Variants in AKT3 observed in about 807,000 individuals in gnomAD.
AKT3 encodes RAC-gamma serine/threonine-protein kinase.
Under a neutral mutation model 65.3 loss-of-function variants are expected in AKT3, and 15 were observed. The observed-to-expected ratio is 0.23, with a 90% CI of 0.15 to 0.35. The LOEUF is 0.35. Among genes scored for constraint, AKT3 ranks in the 10% least tolerant of loss-of-function variants. The pLI, the probability that AKT3 is intolerant of heterozygous loss-of-function variation, is 1.00. For missense variants in AKT3, 243 were observed against 576.5 expected, an observed-to-expected ratio of 0.42 and a Z score of 5.92; for synonymous variants, 206 against 183.8, an observed-to-expected ratio of 1.12 and a Z score of -0.98.
At position 243,636,190 on chromosome 1, in the gene AKT3, G is replaced by C. The variant is rs145581066; in HGVS notation, c.561+1421C>G. Among the ~76,000 whole-genome samples the C allele has an allele frequency of 2.0e-3, 300 of 152,080 alleles. 2 individuals are homozygous for C. The highest frequency in any genetic ancestry group is 0.012 in the East Asian group (64 of 5,176). On this transcript the variant is annotated intron_variant, in intron 6 of 13. Coordinates refer to ENST00000673466, the MANE Select transcript of AKT3 (RefSeq NM_005465.7). ...AGGTAGTAATAATACACAGTAGGTAGTAATAATAGTAATAATAATTATAGC... is the reference window on the plus strand; with the variant it reads ...AGGTAGTAATAATACACAGTAGGTACTAATAATAGTAATAATAATTATAGC...
chr1:243,606,822 C>T (rs1441195525), intron 8 of AKT3, among the ~76,000 whole-genome samples: 2 of 152,224 alleles, frequency 1.3e-5, no homozygotes, highest in African/African-American at 4.8e-5. Flanking sequence ...GGCCCAAAAG[C>T]AGGGCCCCCC....
intron 3 of AKT3, chr1:243,687,731 G>A (rs1197070590): frequency 6.6e-6 from 1 of 152,000 alleles, no homozygotes; most frequent in Non-Finnish European, 1.5e-5. Context: ...GGAGCCTGAA[G>A]AAGGAAATAT....
intron 6 of AKT3, among the ~76,000 whole-genome samples, chr1:243,624,208 A>G (rs758125496): frequency 3.3e-5 from 5 of 152,212 alleles, no homozygotes; most frequent in Non-Finnish European, 7.3e-5. Flanking sequence ...ACAGTCACCA[A>G]TGGCATGAGA....
intron 2 of AKT3, among the ~76,000 whole-genome samples, chr1:243,767,533 T>C (rs553027020): frequency 2.6e-4 from 39 of 152,142 alleles, no homozygotes; most frequent in Admixed American, 1.6e-3. Flanking sequence ...CTATATAGAG[T>C]ATTTCCACTA....
chr1:243,738,727 A>G (rs932151777), intron 2 of AKT3, among the ~76,000 whole-genome samples: 1 of 152,244 alleles, frequency 6.6e-6, no homozygotes, highest in Non-Finnish European at 1.5e-5. Flanking sequence ...TTTAGTGTTC[A>G]GTTACAATCT....
At chr1:243,546,191 T>C (rs982563659) in intron 11 of AKT3, among the ~76,000 whole-genome samples, 8 of 152,224 alleles carry the variant, frequency 5.3e-5, no homozygotes, top group Admixed American at 3.3e-4. Flanking sequence ...GATGTGCCTC[T>C]GCTCCTCCTT....
At chr1:243,510,479 G>C (rs1379388552) in intron 13 of AKT3, among the ~76,000 whole-genome samples, 2 of 152,224 alleles carry the variant, frequency 1.3e-5, no homozygotes, top group Admixed American at 6.5e-5. Context: ...TTGTCAGACT[G>C]ATGCTCTTCA....
At chr1:243,581,169 A>C (rs1483893470) in intron 8 of AKT3, among the ~76,000 whole-genome samples, 1 of 152,158 alleles carries the variant, frequency 6.6e-6, no homozygotes, top group Non-Finnish European at 1.5e-5. Flanking sequence ...CTCCCTCGGC[A>C]CTAGTGCCTG....
At chr1:243,819,724 C>T (rs1288693695) in intron 2 of AKT3, among the ~76,000 whole-genome samples, 1 of 152,140 alleles carries the variant, frequency 6.6e-6, no homozygotes, top group Non-Finnish European at 1.5e-5. Flanking sequence ...CGCCAGACAC[C>T]TTATATAGGA....
intron 9 of AKT3, 112 bp from the exon 10 acceptor site, chr1:243,563,960 T>G (rs1673976739): frequency 9.8e-7 from 1 of 1,019,742 alleles, no homozygotes; most frequent in African/African-American, 1.6e-5. Flanking sequence ...CAGGACATAG[T>G]TGTAGCTAAT....
intron 2 of AKT3, among the ~76,000 whole-genome samples, chr1:243,705,630 G>T (rs1278320313): frequency 6.6e-6 from 1 of 152,164 alleles, no homozygotes; most frequent in Non-Finnish European, 1.5e-5. Flanking sequence ...AGGCACAGGG[G>T]CATTGGGTGG....
chr1:243,741,168 T>C (rs1040149955), intron 2 of AKT3, among the ~76,000 whole-genome samples: 3 of 152,194 alleles, frequency 2.0e-5, no homozygotes, highest in African/African-American at 7.2e-5. Context: ...CAAAGACTTT[T>C]AGTATTTTCA....
At position 243,696,227 on chromosome 1, in the gene AKT3, GTTC is replaced by G. The variant is rs142298168; in HGVS notation, c.47-514_47-512del. 5.2e-3 allele frequency among the ~76,000 whole-genome samples: 773 copies of G among 150,056 alleles called. 8 individuals carry two copies. Among genetic ancestry groups the G allele is most frequent in the African/African-American group, 0.018 (733 of 40,850 alleles). On this transcript the variant is annotated intron_variant, in intron 2 of 13. Transcript: ENST00000673466. ...TAACTTGTTTAAGCAACATTTTATT[GTTC>G]TTCATAGAAAAATAACCTTTTTGCA...
chr1:243,523,625 T>G (rs1670865154), intron 12 of AKT3, among the ~76,000 whole-genome samples: 1 of 152,174 alleles, frequency 6.6e-6, no homozygotes, highest in African/African-American at 2.4e-5. Flanking sequence ...ACTAAAGTCA[T>G]ACTAAAGCAT....
chr1:243,608,856 A>G lies in AKT3; in HGVS notation c.696+4815T>C, dbSNP rs187358288. On this transcript the variant is annotated intron_variant, in intron 8 of 13. Transcript: ENST00000673466. ...CACCCTCCGCCTCCTGGGTTCAAGC[A>G]ATTCTCCTGCCTTAGCCTCCCAAGG... Among the ~76,000 whole-genome samples the G allele has an allele frequency of 4.9e-3, 706 of 142,694 alleles. 5 individuals are homozygous for G. Among genetic ancestry groups the G allele is most frequent in the African/African-American group, 0.018 (682 of 38,604 alleles). The allele number at this position is 142,694 out of a possible 152,430, so 93.6% of individuals were successfully genotyped here.
chr1:243,663,001 T>C (rs1164846811), intron 4 of AKT3, among the ~76,000 whole-genome samples: 1 of 152,204 alleles, frequency 6.6e-6, no homozygotes, highest in Non-Finnish European at 1.5e-5. Flanking sequence ...CTTCAACAGA[T>C]GTTAAAAATC....
At position 243,519,181 on chromosome 1, in the gene AKT3, C is replaced by T. The variant is rs183858361; in HGVS notation, c.1252-6755G>A. 3.2e-4 allele frequency among the ~76,000 whole-genome samples: 48 copies of T among 152,300 alleles called. No individual in the cohort carries two copies. The East Asian group carries it at 8.9e-3, about 28-fold the overall frequency. ...ATTCAAAAGGACCAATGATTAACAGCAGAAACAACAGCCAACACCATAGAC... is the reference window on the plus strand; with the variant it reads ...ATTCAAAAGGACCAATGATTAACAGTAGAAACAACAGCCAACACCATAGAC... On this transcript the variant is annotated intron_variant, in intron 12 of 13. Coordinates refer to ENST00000673466, the MANE Select transcript of AKT3 (RefSeq NM_005465.7).
intron 2 of AKT3, among the ~76,000 whole-genome samples, chr1:243,759,964 C>T (rs1330288503): frequency 6.6e-6 from 1 of 152,062 alleles, no homozygotes; most frequent in Non-Finnish European, 1.5e-5. Context: ...CAATGGGGAA[C>T]CAAAAAATAA....
intron 2 of AKT3, among the ~76,000 whole-genome samples, chr1:243,704,759 T>C (rs534332661): frequency 7.2e-5 from 11 of 152,194 alleles, no homozygotes; most frequent in Non-Finnish European, 1.2e-4. Context: ...TACCCTTTCA[T>C]CTAGAATAAT....
Sources: gnomAD v4.1 joint callset for allele counts (sites outside exome capture counted in the v4.1 genomes callset) on GRCh38, gnomAD v4.1.1 for gene constraint, MANE v1.5 for transcripts, NCBI Gene and HGNC (gene_info 2026-07-23, HGNC 2026-07-21) for gene names.